The following TRDN variants were observed in gnomAD, a reference collection of about 807,000 sequenced individuals.
The protein encoded by TRDN is triadin in skeletal muscle.
TRDN carries 161 observed loss-of-function variants against 149.7 expected under a neutral mutation model. That is an observed-to-expected ratio of 1.08 (90% CI 0.95 to 1.23). The LOEUF (loss-of-function observed/expected upper bound fraction) is 1.23. TRDN is among the 50% of genes most tolerant of loss of function. The pLI is 0.00. For missense variants in TRDN, 896 were observed against 823.5 expected (o/e 1.09, Z -1.08); for synonymous variants, 294 against 250.5 (o/e 1.17, Z -1.64).
intron 9 of TRDN, among the ~76,000 whole-genome samples, chr6:123,479,016 A>C (rs1243865148): frequency 6.6e-6 from 1 of 152,202 alleles, no homozygotes; most frequent in East Asian, 1.9e-4. Context: ...ATATTTAGTA[A>C]AGGAAAGAGC....
At chr6:123,562,271 G>T (rs1034908984) in intron 2 of TRDN, among the ~76,000 whole-genome samples, 1 of 152,126 alleles carries the variant, frequency 6.6e-6, no homozygotes, top group Non-Finnish European at 1.5e-5. Flanking sequence ...GACTCAGCCC[G>T]CCTGCACCCA....
chr6:123,227,239 C>A (rs908765461), intron 38 of TRDN, among the ~76,000 whole-genome samples: 1 of 151,602 alleles, frequency 6.6e-6, no homozygotes, highest in East Asian at 1.9e-4. Context: ...GTACATTCTC[C>A]AAGTAGGAGT....
intron 9 of TRDN, among the ~76,000 whole-genome samples, chr6:123,480,709 G>A (rs1317382080): frequency 2.0e-5 from 3 of 151,816 alleles, no homozygotes; most frequent in South Asian, 2.1e-4. Context: ...GGTTCCCAGA[G>A]GTAAAATGAT....
At chr6:123,312,247 C>T (rs1050761890) in intron 24 of TRDN, among the ~76,000 whole-genome samples, 1 of 151,896 alleles carries the variant, frequency 6.6e-6, no homozygotes, top group Non-Finnish European at 1.5e-5. Context: ...ACAGAAATTA[C>T]CATGCATTCT....
Position 123,456,782 on chromosome 6 carries a change from AG to A in TRDN, c.931+8123del, listed in dbSNP as rs202115818. The A allele has an allele frequency of 2.3e-3, 1,040 of 455,846 alleles. 13 individuals are homozygous for A. The highest frequency in any genetic ancestry group is 0.019 in the African/African-American group (958 of 50,168). The allele number at this position is 455,846 out of a possible 1,614,324, so 28.2% of individuals were successfully genotyped here. A position where few individuals can be genotyped will look rare whatever the true frequency, so the allele number is the denominator to read the frequency against. On this transcript the variant is annotated intron_variant, in intron 10 of 40. Coordinates refer to ENST00000334268, the MANE Select transcript of TRDN (RefSeq NM_006073.4). ...TCCTTTATTAAATGAGCAATTTCCA[AG>A]ACTGTTTACTCCATCTATGTAAAAT...
chr6:123,531,855 A>C (rs1156586328), intron 4 of TRDN, among the ~76,000 whole-genome samples: 1 of 152,024 alleles, frequency 6.6e-6, no homozygotes, highest in Non-Finnish European at 1.5e-5. Context: ...TGGGTGAAGC[A>C]TTATTTTGGG....
chr6:123,540,603 T>C (rs1780780504), intron 4 of TRDN, among the ~76,000 whole-genome samples: 2 of 152,228 alleles, frequency 1.3e-5, no homozygotes, highest in African/African-American at 2.4e-5. Context: ...CACCGCAGGC[T>C]CCGCCTCCTG....
chr6:123,544,099 G>C (rs1392491720), intron 4 of TRDN, among the ~76,000 whole-genome samples: 5 of 151,884 alleles, frequency 3.3e-5, no homozygotes, highest in African/African-American at 1.2e-4. Context: ...TTTTTAGAAT[G>C]CCATCGAATG....
chr6:123,501,911 ATTTTAAAGTGT>A (rs1778717283), intron 8 of TRDN: 24 of 983,598 alleles, frequency 2.4e-5, no homozygotes, highest in Non-Finnish European at 2.9e-5. Flanking sequence ...AATAAACATT[ATTTTAAAGTGT>A]TCCGGTGATG....
intron 2 of TRDN, among the ~76,000 whole-genome samples, chr6:123,558,395 A>G (rs936785743): frequency 5.3e-5 from 8 of 152,100 alleles, no homozygotes; most frequent in Admixed American, 3.3e-4. Context: ...TCCGGCTTAC[A>G]GTTGCATTCT....
At chr6:123,489,270 AT>A (rs1379563549) in intron 9 of TRDN, among the ~76,000 whole-genome samples, 1 of 152,126 alleles carries the variant, frequency 6.6e-6, no homozygotes, top group Non-Finnish European at 1.5e-5. Flanking sequence ...TCTTTTAATC[AT>A]TTAAACAATC....
chr6:123,262,727 T>G (rs538348987), intron 33 of TRDN, among the ~76,000 whole-genome samples: 81 of 152,232 alleles, frequency 5.3e-4, no homozygotes, highest in African/African-American at 1.9e-3. Flanking sequence ...ATTTTGGTGA[T>G]TCTCACAATA....
At chr6:123,543,413 T>A (rs1185112480) in intron 4 of TRDN, among the ~76,000 whole-genome samples, 1 of 152,184 alleles carries the variant, frequency 6.6e-6, no homozygotes, top group Non-Finnish European at 1.5e-5. Flanking sequence ...CATTTGTTGA[T>A]TGAGTTTAAT....
At chr6:123,584,479 G>T (rs558093386) in intron 1 of TRDN, among the ~76,000 whole-genome samples, 1 of 151,412 alleles carries the variant, frequency 6.6e-6, no homozygotes, top group Non-Finnish European at 1.5e-5. Flanking sequence ...AATTCTGACC[G>T]CACTAACCAT....
intron 9 of TRDN, among the ~76,000 whole-genome samples, chr6:123,472,616 A>G (rs1225231605): frequency 6.6e-6 from 1 of 152,180 alleles, no homozygotes; most frequent in Non-Finnish European, 1.5e-5. Context: ...TGTAGGCTCC[A>G]CCTCTGGGGG....
intron 1 of TRDN, among the ~76,000 whole-genome samples, chr6:123,588,982 G>A (rs1783649915): frequency 6.6e-6 from 1 of 152,144 alleles, no homozygotes; most frequent in Non-Finnish European, 1.5e-5. Context: ...AGGGCACTAT[G>A]TACAGTGGGA....
At chr6:123,401,168 T>C (rs994303822) in intron 12 of TRDN, among the ~76,000 whole-genome samples, 7 of 152,252 alleles carry the variant, frequency 4.6e-5, no homozygotes, top group African/African-American at 1.7e-4. Context: ...TACAGTTCTA[T>C]AGATGTCAAA....
At chr6:123,623,372 A>G (rs978188734) in intron 1 of TRDN, among the ~76,000 whole-genome samples, 12 of 152,074 alleles carry the variant, frequency 7.9e-5, no homozygotes, top group Non-Finnish European at 1.6e-4. Flanking sequence ...CTTTGAAGCT[A>G]CCACTAGCAT....
At chr6:123,628,347 G>A (rs2114732918) in intron 1 of TRDN, among the ~76,000 whole-genome samples, 1 of 152,128 alleles carries the variant, frequency 6.6e-6, no homozygotes, top group East Asian at 1.9e-4. Context: ...GAGATAGTGG[G>A]AATGTCTAGT....
Sources: allele counts gnomAD v4.1 joint callset (sites outside exome capture counted in the v4.1 genomes callset), GRCh38; gene constraint gnomAD v4.1.1; transcripts MANE v1.5; gene names NCBI Gene and HGNC (gene_info 2026-07-23, HGNC 2026-07-21).